Variants in RTKN2 observed in about 807,000 individuals in gnomAD.
The protein encoded by RTKN2 is rhotekin-2.
In RTKN2, 69 loss-of-function variants were observed where a neutral mutation model predicts 71.5. That is an observed-to-expected ratio of 0.96 (90% confidence interval 0.79 to 1.18). The LOEUF is 1.18. Ranked by LOEUF, RTKN2 falls within the 50% of genes most tolerant of loss-of-function variation. The pLI is 0.00. For synonymous variants in RTKN2, 236 were observed against 236.5 expected (o/e 1.00, Z 0.02); for missense variants, 724 against 719.7 (o/e 1.01, Z -0.07).
chr10:62,263,517 AC>A (rs1842814967), intron 1 of RTKN2, among the ~76,000 whole-genome samples: 1 of 152,186 alleles, frequency 6.6e-6, no homozygotes, highest in Admixed American at 6.5e-5. Flanking sequence ...ACATACAATA[AC>A]TAATGTGAAC....
chr10:62,265,279 A>T (rs1200434607), intron 1 of RTKN2, among the ~76,000 whole-genome samples: 1 of 152,158 alleles, frequency 6.6e-6, no homozygotes, highest in Non-Finnish European at 1.5e-5. Flanking sequence ...ACACTGGAGC[A>T]CAGACACACT....
At chr10:62,207,431 C>CA (rs2132838970) in intron 9 of RTKN2, among the ~76,000 whole-genome samples, 1 of 151,926 alleles carries the variant, frequency 6.6e-6, no homozygotes, top group Admixed American at 6.6e-5. Context: ...AACTTTTAAT[C>CA]AAAAAAATGC....
chr10:62,187,629 T>G (rs1841157713), intron 8 of RTKN2, among the ~76,000 whole-genome samples: 1 of 152,198 alleles, frequency 6.6e-6, no homozygotes, highest in Admixed American at 6.5e-5. Context: ...GTGAACCACT[T>G]TTTTTTCCTT....
chr10:62,259,149 G>A (rs933480926), intron 2 of RTKN2: 2 of 448,770 alleles, frequency 4.5e-6, no homozygotes, highest in African/African-American at 4.0e-5. Flanking sequence ...ATAAAGGGCA[G>A]TTCCCCTGCA....
At position 62,268,817 on chromosome 10, in the gene RTKN2, G is replaced by C. The variant is rs1842919278; in HGVS notation, c.-207C>G. On this transcript the variant is annotated 5_prime_UTR_variant, in exon 1 of 12. Transcript: ENST00000373789. ...GCAGCTCCCGCCGCCGGAAGTTGCC[G>C]AGACCCCAGGCTCTAGCGCGGCGGG... The C allele has an allele frequency of 1.8e-6, 1 of 553,228 alleles. No individual in the cohort carries two copies. Among genetic ancestry groups the C allele is most frequent in the South Asian group, 2.3e-5 (1 of 42,996 alleles). The allele number at this position is 553,228 out of a possible 1,614,324, so 34.3% of individuals were successfully genotyped here.
chr10:62,240,132 T>A (rs1007044904), intron 4 of RTKN2, among the ~76,000 whole-genome samples: 2 of 152,076 alleles, frequency 1.3e-5, no homozygotes, highest in African/African-American at 4.8e-5. Flanking sequence ...ACTACCGCTG[T>A]CATTTTGGTT....
In RTKN2 at chr10:62,198,389, AT is replaced by A. The variant is rs759252078; in HGVS notation, c.1348del (p.Ile450LeufsTer67). 9.1e-5 allele frequency: 139 copies of A among 1,528,502 alleles called. No homozygotes were observed. Among genetic ancestry groups the A allele is most frequent in the Admixed American group, 3.6e-4 (19 of 52,746 alleles). The allele number at this position is 1,528,502 out of a possible 1,614,324, so 94.7% of individuals were successfully genotyped here. ...ESLTDIIQKKIEETNGQFLIG... is the reference protein window; with the variant it reads ...ESLTDIIQKKXEETNGQFLIG... ...AAGGAACTGCCCATTTGTCTCTTCA[AT>A]TTTTTTTTGTATTATATCCGTTAAA... On this transcript the variant is annotated frameshift_variant, in exon 12 of 12. Transcript: ENST00000373789. LOFTEE classifies it high-confidence loss of function.
downstream of RTKN2, among the ~76,000 whole-genome samples, chr10:62,192,047 GT>G (rs148963022): frequency 0.21 from 31,193 of 150,232 alleles, 4,154 homozygotes; most frequent in African/African-American, 0.38. Context: ...ATATTATAAG[GT>G]TTTTTTTTAT....
intron 8 of RTKN2, among the ~76,000 whole-genome samples, chr10:62,185,601 G>A (rs1245429207): frequency 6.6e-6 from 1 of 152,046 alleles, no homozygotes; most frequent in African/African-American, 2.4e-5. Flanking sequence ...CCTGGCAACA[G>A]AGCAAGACTC....
chr10:62,197,730 C>G lies in RTKN2; in HGVS notation c.*178G>C. 7.1e-7 allele frequency: 1 copy of G among 1,409,262 alleles called. No homozygotes were observed. Among genetic ancestry groups the G allele is most frequent in the African/African-American group, 1.4e-5 (1 of 69,198 alleles). 87.3% of individuals were successfully genotyped at this position (1,409,262 alleles called of 1,614,324 possible). On this transcript the variant is annotated 3_prime_UTR_variant, in exon 12 of 12. Transcript: ENST00000373789. ...GAGAAATCACTTACATTCTGCAAAT[C>G]AGGAGTAAAAGAGAAATCCACTTCT...
chr10:62,206,620 C>T (rs1841554167), intron 9 of RTKN2, among the ~76,000 whole-genome samples: 1 of 151,986 alleles, frequency 6.6e-6, no homozygotes, highest in African/African-American at 2.4e-5. Context: ...GACAGTCTAT[C>T]CTGTCACAGT....
At chr10:62,219,388 C>A (rs4636536) in intron 7 of RTKN2, among the ~76,000 whole-genome samples, 111,426 of 152,006 alleles carry the variant, frequency 0.73, 41,108 homozygotes, top group East Asian at 0.9. Flanking sequence ...GATTGAAGGA[C>A]AATTAAAAAG....
chr10:62,255,058 TG>T (rs1479566202), intron 2 of RTKN2, among the ~76,000 whole-genome samples: 2 of 152,136 alleles, frequency 1.3e-5, no homozygotes, highest in East Asian at 3.8e-4. Flanking sequence ...GGTAGGTATA[TG>T]GGTATTCACT....
chr10:62,251,262 T>G (rs932075722), intron 2 of RTKN2, among the ~76,000 whole-genome samples: 1 of 152,236 alleles, frequency 6.6e-6, no homozygotes, highest in African/African-American at 2.4e-5. Context: ...TAGCTTTTAT[T>G]ACAGTATATT....
At chr10:62,241,228 T>C (rs548782983) in intron 3 of RTKN2, 33 bp from the exon 4 acceptor site, 1 of 1,393,468 alleles carries the variant, frequency 7.2e-7, no homozygotes, top group South Asian at 1.2e-5. Flanking sequence ...TGACAAGTAA[T>C]AATTTTGGTA....
At chr10:62,251,582 A>C (rs1842583012) in intron 2 of RTKN2, among the ~76,000 whole-genome samples, 1 of 152,226 alleles carries the variant, frequency 6.6e-6, no homozygotes, top group Admixed American at 6.5e-5. Flanking sequence ...TATAAATAAA[A>C]GTAGATAATC....
downstream of RTKN2, among the ~76,000 whole-genome samples, chr10:62,189,883 T>G (rs1841194128): frequency 6.6e-6 from 1 of 151,896 alleles, no homozygotes; most frequent in Non-Finnish European, 1.5e-5. Context: ...CAGCTTAAGT[T>G]AGTTTCTGTT....
rs114714905 is a variant in RTKN2 at position 62,262,835 on chromosome 10, G to C, written c.61-14C>G. On this transcript the variant is annotated splice_polypyrimidine_tract_variant and intron_variant, in intron 1 of 11. Transcript: ENST00000373789. ...AATGTTGCAGTCCTAAAAAAAAAAT[G>C]CATCTTGAAAATATAGCAAAAACCC... 1.7e-4 allele frequency: 265 copies of C among 1,547,126 alleles called. 1 individual carries two copies. The African/African-American group carries it at 3.1e-3, about 18-fold the overall frequency.
At chr10:62,218,092 G>A in intron 8 of RTKN2, 103 bp downstream of exon 8, 1 of 717,250 alleles carries the variant, frequency 1.4e-6, no homozygotes, top group Non-Finnish European at 2.3e-6. Context: ...TTTAAAAAAA[G>A]ACTTAAAAAA....
Sources: gnomAD v4.1 joint callset for allele counts (sites outside exome capture counted in the v4.1 genomes callset) on GRCh38, gnomAD v4.1.1 for gene constraint, MANE v1.5 for transcripts, NCBI Gene and HGNC (gene_info 2026-07-23, HGNC 2026-07-21) for gene names.